RNF150: variants seen among roughly 807,000 people sequenced by gnomAD.
RNF150 encodes the protein ring finger protein 150.
In RNF150, 24 loss-of-function variants were observed where a neutral mutation model predicts 39.3. The ratio of observed to expected loss-of-function variants is 0.61; its 90% CI spans 0.44 to 0.86. The LOEUF (loss-of-function observed/expected upper bound fraction) is 0.86, where lower values mean the gene tolerates loss of function less well. Ranked by LOEUF, RNF150 falls within the 40% of genes least tolerant of loss-of-function variation. The pLI, the probability that RNF150 is intolerant of heterozygous loss-of-function variation, is 0.00. For missense variants in RNF150, 502 were observed against 587.8 expected, an observed-to-expected ratio of 0.85 and a Z score of 1.51; for synonymous variants, 255 against 227.3, an observed-to-expected ratio of 1.12 and a Z score of -1.10.
At chr4:141,198,225 C>T (rs1273644108) in intron 1 of RNF150, among the ~76,000 whole-genome samples, 1 of 152,040 alleles carries the variant, frequency 6.6e-6, no homozygotes, top group Non-Finnish European at 1.5e-5. Context: ...CGCGGTTTCA[C>T]CATGTTGGCC....
chr4:141,008,731 G>C (rs1018489605), intron 1 of RNF150, among the ~76,000 whole-genome samples: 1 of 152,004 alleles, frequency 6.6e-6, no homozygotes. Flanking sequence ...TCTGATTCTG[G>C]ATTCTTTGCC....
intron 1 of RNF150, among the ~76,000 whole-genome samples, chr4:141,151,880 T>C (rs1157341981): frequency 6.6e-6 from 1 of 152,194 alleles, no homozygotes; most frequent in African/African-American, 2.4e-5. Context: ...CAGCTTCAAA[T>C]TTCATTAAGA....
chr4:141,170,697 G>A (rs759215397), intron 1 of RNF150, among the ~76,000 whole-genome samples: 4 of 152,030 alleles, frequency 2.6e-5, no homozygotes, highest in African/African-American at 4.8e-5. Context: ...ATATTAAAAC[G>A]GCCAATAAAC....
chr4:140,885,135 T>C (rs1236575958), intron 6 of RNF150, among the ~76,000 whole-genome samples: 1 of 151,968 alleles, frequency 6.6e-6, no homozygotes, highest in African/African-American at 2.4e-5. Flanking sequence ...ATGGCTGTAC[T>C]GTTTTTCCAT....
intron 1 of RNF150, among the ~76,000 whole-genome samples, chr4:141,000,280 A>G (rs572949600): frequency 6.6e-6 from 1 of 152,214 alleles, no homozygotes; most frequent in Non-Finnish European, 1.5e-5. Context: ...GCAGAGCAAA[A>G]TGTTATATGC....
intron 1 of RNF150, among the ~76,000 whole-genome samples, chr4:141,058,262 G>A (rs1737069068): frequency 8.6e-6 from 1 of 116,222 alleles, no homozygotes; most frequent in Admixed American, 9.6e-5. Flanking sequence ...AAGAAAGAAG[G>A]GTGGAAGGGG....
intron 6 of RNF150, among the ~76,000 whole-genome samples, chr4:140,894,317 T>C (rs941574685): frequency 1.2e-4 from 18 of 152,246 alleles, no homozygotes; most frequent in African/African-American, 4.3e-4. Flanking sequence ...CAGATTAACT[T>C]CTGATGAGGT....
intron 1 of RNF150, among the ~76,000 whole-genome samples, chr4:141,158,484 C>T (rs903770244): frequency 6.6e-6 from 1 of 150,692 alleles, no homozygotes; most frequent in Non-Finnish European, 1.5e-5. Flanking sequence ...AAGCCTAATC[C>T]TATTTTAAAA....
intron 1 of RNF150, among the ~76,000 whole-genome samples, chr4:141,197,760 C>T (rs1029348106): frequency 3.3e-5 from 5 of 151,746 alleles, no homozygotes; most frequent in African/African-American, 1.2e-4. Flanking sequence ...TACCTGTAGT[C>T]CCAGCTACTT....
chr4:140,934,947 T>C (rs1425174281), intron 4 of RNF150, among the ~76,000 whole-genome samples: 22 of 145,992 alleles, frequency 1.5e-4, no homozygotes, highest in Non-Finnish European at 7.5e-5. Context: ...TATGCAAAAG[T>C]GCTTTGTGAA....
intron 1 of RNF150, among the ~76,000 whole-genome samples, chr4:141,084,538 C>A (rs1209976899): frequency 6.6e-6 from 1 of 152,092 alleles, no homozygotes; most frequent in East Asian, 1.9e-4. Context: ...ACGAAAAACA[C>A]TTTTTTCCCC....
At chr4:141,078,892 T>C (rs1738038157) in intron 1 of RNF150, among the ~76,000 whole-genome samples, 1 of 146,010 alleles carries the variant, frequency 6.8e-6, no homozygotes, top group African/African-American at 2.6e-5. Context: ...TACACATACA[T>C]ATATATACAC....
At chr4:141,043,050 T>C (rs1340740743) in intron 1 of RNF150, among the ~76,000 whole-genome samples, 1 of 152,162 alleles carries the variant, frequency 6.6e-6, no homozygotes, top group Non-Finnish European at 1.5e-5. Context: ...TCAAGTCATT[T>C]GTGGGAAATT....
intron 1 of RNF150, among the ~76,000 whole-genome samples, chr4:140,990,947 C>T (rs760107530): frequency 5.9e-5 from 9 of 152,164 alleles, no homozygotes; most frequent in Non-Finnish European, 1.3e-4. Context: ...TCTACATTCC[C>T]AGCAATAGTG....
chr4:141,081,727 A>G (rs1328730140), intron 1 of RNF150, among the ~76,000 whole-genome samples: 2 of 152,228 alleles, frequency 1.3e-5, no homozygotes, highest in Non-Finnish European at 2.9e-5. Flanking sequence ...GTACCTACTT[A>G]GAGAATTAAC....
chr4:141,004,228 G>GAAAAAAAAAAAAAAAA (rs1734783162), intron 1 of RNF150, among the ~76,000 whole-genome samples: 1 of 128,582 alleles, frequency 7.8e-6, no homozygotes, highest in Non-Finnish European at 1.7e-5. Flanking sequence ...ACAGATGTTA[G>GAAAAAAAAAAAAAAAA]TAAAAAAAAA....
intron 2 of RNF150, among the ~76,000 whole-genome samples, chr4:140,955,610 C>A (rs2111390914): frequency 6.6e-6 from 1 of 152,268 alleles, no homozygotes; most frequent in East Asian, 1.9e-4. Context: ...AAATCAAGGG[C>A]TAATTACCTC....
intron 2 of RNF150, among the ~76,000 whole-genome samples, chr4:140,963,686 ATC>A (rs955029522): frequency 6.6e-6 from 1 of 152,036 alleles, no homozygotes; most frequent in African/African-American, 2.4e-5. Context: ...AGCAAATATA[ATC>A]TCACACACAT....
intron 1 of RNF150, among the ~76,000 whole-genome samples, chr4:141,011,109 A>C (rs909251153): frequency 6.6e-6 from 1 of 152,154 alleles, no homozygotes; most frequent in Non-Finnish European, 1.5e-5. Flanking sequence ...CTCTCTTCTC[A>C]ATAATGAAAA....
Sources: gnomAD v4.1 joint callset for allele counts (sites outside exome capture counted in the v4.1 genomes callset) on GRCh38, gnomAD v4.1.1 for gene constraint, MANE v1.5 for transcripts, NCBI Gene and HGNC (gene_info 2026-07-23, HGNC 2026-07-21) for gene names.